Variants in HAVCR1 observed in about 807,000 individuals in gnomAD.
HAVCR1 encodes the protein hepatitis A virus cellular receptor 1, also known as T cell immunoglobin domain and mucin domain protein 1.
HAVCR1 carries 34 observed loss-of-function variants against 32.0 expected under a neutral mutation model. The observed-to-expected ratio is 1.06, with a 90% CI of 0.81 to 1.42. The LOEUF is 1.42. HAVCR1 is among the 40% of genes most tolerant of loss of function. The pLI is 0.00. For synonymous variants in HAVCR1, 178 were observed against 170.3 expected, an observed-to-expected ratio of 1.05 and a Z score of -0.35; for missense variants, 420 against 442.3, an observed-to-expected ratio of 0.95 and a Z score of 0.45.
At chr5:157,033,341 T>C (rs1754287357) in intron 7 of HAVCR1, among the ~76,000 whole-genome samples, 1 of 151,974 alleles carries the variant, frequency 6.6e-6, no homozygotes, top group Non-Finnish European at 1.5e-5. Flanking sequence ...AAATAATGAG[T>C]TATTTTTGCT....
intron 4 of HAVCR1, among the ~76,000 whole-genome samples, chr5:157,050,437 T>A (rs949536612): frequency 2.0e-5 from 3 of 152,196 alleles, no homozygotes; most frequent in Non-Finnish European, 4.4e-5. Context: ...GCAGGGAAGA[T>A]TGGATGCAAA....
At chr5:157,054,512 A>G (rs1755996720) in intron 3 of HAVCR1, among the ~76,000 whole-genome samples, 4 of 152,206 alleles carry the variant, frequency 2.6e-5, no homozygotes, top group Admixed American at 2.6e-4. Context: ...CAAAAAAAGT[A>G]AATAAAAAAA....
intron 4 of HAVCR1, among the ~76,000 whole-genome samples, chr5:157,050,427 G>A (rs1340763674): frequency 1.3e-5 from 2 of 152,212 alleles, no homozygotes; most frequent in African/African-American, 2.4e-5. Flanking sequence ...GGGGCACTGA[G>A]CAGGGAAGAT....
At chr5:157,065,315 A>C in the HAVCR1 span, among the ~76,000 whole-genome samples, 1 of 152,184 alleles carries the variant, frequency 6.6e-6, no homozygotes, top group African/African-American at 2.4e-5. Context: ...TCAAAAAAAA[A>C]AAAATGGTAT....
chr5:157,054,996 G>A (rs764172535), intron 3 of HAVCR1, among the ~76,000 whole-genome samples: 2 of 152,164 alleles, frequency 1.3e-5, no homozygotes, highest in African/African-American at 4.8e-5. Flanking sequence ...TGCTGTAGGA[G>A]CTAGTTTGCT....
At chr5:157,035,718 C>T (rs904163569) in intron 7 of HAVCR1, among the ~76,000 whole-genome samples, 3 of 152,016 alleles carry the variant, frequency 2.0e-5, no homozygotes, top group African/African-American at 7.3e-5. Flanking sequence ...CAACAAACTC[C>T]TATTTCTTGA....
At chr5:157,034,456 G>T (rs1176314877) in intron 7 of HAVCR1, among the ~76,000 whole-genome samples, 8 of 151,668 alleles carry the variant, frequency 5.3e-5, no homozygotes, top group Non-Finnish European at 8.8e-5. Flanking sequence ...GTATGATCGG[G>T]TTTTACACCG....
chr5:157,042,853 C>A (rs570122752), intron 5 of HAVCR1, among the ~76,000 whole-genome samples, 171 bp from the exon 6 acceptor site: 12 of 152,166 alleles, frequency 7.9e-5, no homozygotes, highest in Non-Finnish European at 1.8e-4. Context: ...ATATTAATTT[C>A]TCCTGTAAAG....
At chr5:157,037,211 C>G (rs369816546) in intron 7 of HAVCR1, 36 bp downstream of exon 7, 1 of 1,060,476 alleles carries the variant, frequency 9.4e-7, no homozygotes, top group South Asian at 1.3e-5. Flanking sequence ...TGCTGTACAT[C>G]CCTTGTCCCT....
chr5:157,049,033 GT>G lies in HAVCR1; in HGVS notation c.781+4del, dbSNP rs1029093115. The G allele has an allele frequency of 6.7e-7, 1 of 1,503,642 alleles. No homozygotes were observed. The highest frequency in any genetic ancestry group is 1.4e-5 in the African/African-American group (1 of 72,658). 93.1% of individuals were successfully genotyped at this position (1,503,642 alleles called of 1,614,324 possible). On this transcript the variant is annotated splice_donor_region_variant and intron_variant, in intron 5 of 8. Coordinates refer to ENST00000523175, the MANE Select transcript of HAVCR1 (RefSeq NM_001173393.3). ...CCAGGTCTTCAGGAAAGAGAACGCA[GT>G]TACCTGTTGTGTAAGAGTACAATGG...
At chr5:157,034,943 C>A (rs1754440132) in intron 7 of HAVCR1, among the ~76,000 whole-genome samples, 1 of 152,080 alleles carries the variant, frequency 6.6e-6, no homozygotes, top group Non-Finnish European at 1.5e-5. Flanking sequence ...CTTCTTCTTT[C>A]TACATAGACA....
At chr5:157,035,236 G>A (rs1406151066) in intron 7 of HAVCR1, among the ~76,000 whole-genome samples, 1 of 151,886 alleles carries the variant, frequency 6.6e-6, no homozygotes, top group Non-Finnish European at 1.5e-5. Context: ...GAACTTCCCT[G>A]CAAGGTATTT....
chr5:157,039,941 G>A (rs905018149), intron 6 of HAVCR1, among the ~76,000 whole-genome samples: 3 of 152,010 alleles, frequency 2.0e-5, no homozygotes, highest in East Asian at 1.9e-4. Context: ...ACCTTGAACC[G>A]GCCTCTAAAT....
rs56084311 is a variant in HAVCR1, at chr5:157,055,285, C to G, written c.295G>C (p.Asp99His). 14,814 of 1,613,368 alleles carry G rather than the reference C, an allele frequency of 9.2e-3. 93 individuals carry two copies. The highest frequency in any genetic ancestry group is 0.01 in the Non-Finnish European group (12,368 of 1,179,270). Reference protein sequence around the residue: ...SLTIENTAVSDSGVYCCRVEH... With the variant: ...SLTIENTAVSHSGVYCCRVEH... ...ACACGGCAACAATATACGCCACTGT[C>G]AGACACAGCTGTATTTTCTATGGTC... is the stretch of plus-strand genomic sequence containing the variant. The change falls in exon 3 of 9, where the codon GAC (aspartate) becomes CAC (histidine). Residue 99 changes from aspartate (D) to histidine (H), a missense_variant. Asp to His is a moderately conservative substitution (Grantham distance 81, BLOSUM62 -1). Coordinates refer to ENST00000523175, the MANE Select transcript of HAVCR1 (RefSeq NM_001173393.3).
chr5:157,057,082 C>T (rs1756200340), intron 2 of HAVCR1, among the ~76,000 whole-genome samples: 2 of 151,558 alleles, frequency 1.3e-5, no homozygotes, highest in Admixed American at 6.6e-5. Context: ...TTTGGGAGGC[C>T]GAGGCAGGTG....
At chr5:157,044,473 AAGGAAGGAAGGAAGGAAGG>A (rs1561590471) in intron 5 of HAVCR1, among the ~76,000 whole-genome samples, 1,973 of 45,520 alleles carry the variant, frequency 0.043, 168 homozygotes, top group Non-Finnish European at 0.05. Context: ...GAAAGAAAGG[AAGGAAGGAAGGAAGGAAGG>A]AAGGAAGGAA....
intron 6 of HAVCR1, among the ~76,000 whole-genome samples, chr5:157,040,423 C>T (rs182426864): frequency 7.0e-4 from 107 of 152,326 alleles, no homozygotes; most frequent in African/African-American, 2.3e-3. Flanking sequence ...TGATATTTAG[C>T]CAGTATGTCA....
chr5:157,055,841 G>T (rs1756098965), intron 2 of HAVCR1, among the ~76,000 whole-genome samples: 1 of 151,278 alleles, frequency 6.6e-6, no homozygotes, highest in African/African-American at 2.4e-5. Flanking sequence ...CTCCAGCCTG[G>T]GTGACAGAGC....
At chr5:157,037,197 A>G in intron 7 of HAVCR1, 50 bp downstream of exon 7, 2 of 888,066 alleles carry the variant, frequency 2.3e-6, no homozygotes, top group Non-Finnish European at 3.8e-6. Context: ...AACCCAGGCA[A>G]TTTTGCTGTA....
Sources: gnomAD v4.1 joint callset for allele counts (sites outside exome capture counted in the v4.1 genomes callset) on GRCh38, gnomAD v4.1.1 for gene constraint, MANE v1.5 for transcripts, NCBI Gene and HGNC (gene_info 2026-07-23, HGNC 2026-07-21) for gene names.